Variants in DYSF observed in about 807,000 individuals in gnomAD.
DYSF encodes the protein dysferlin, also known as dystrophy-associated fer-1-like 1.
Under a neutral mutation model 274.9 loss-of-function variants are expected in DYSF, and 212 were observed. The ratio of observed to expected loss-of-function variants is 0.77; its 90% CI spans 0.69 to 0.86. DYSF has a LOEUF of 0.86. Ranked by LOEUF, DYSF falls within the 40% of genes least tolerant of loss-of-function variation. DYSF has a pLI of 0.00. For synonymous variants in DYSF, 1,091 were observed against 1,078.7 expected, an observed-to-expected ratio of 1.01 and a Z score of -0.22; for missense variants, 2,666 against 2,783.2, an observed-to-expected ratio of 0.96 and a Z score of 0.95.
At chr2:71,672,340 G>C (rs1332349611) in intron 51 of DYSF, among the ~76,000 whole-genome samples, 1 of 152,186 alleles carries the variant, frequency 6.6e-6, no homozygotes, top group Non-Finnish European at 1.5e-5. Flanking sequence ...TTCGTGCAGG[G>C]GCACTGCACA....
intron 30 of DYSF, among the ~76,000 whole-genome samples, chr2:71,577,331 CCA>C (rs1213817708): frequency 1.3e-5 from 2 of 151,602 alleles, no homozygotes; most frequent in Non-Finnish European, 2.9e-5. Flanking sequence ...CAGTCTCTCT[CCA>C]CACATTCATA....
At chr2:71,548,446 C>T (rs2090657168) in intron 17 of DYSF, among the ~76,000 whole-genome samples, 1 of 152,276 alleles carries the variant, frequency 6.6e-6, no homozygotes, top group East Asian at 1.9e-4. Flanking sequence ...GTGCACGTGA[C>T]CTCAGACTGC....
At chr2:71,646,681 T>C (rs1362539383) in intron 42 of DYSF, among the ~76,000 whole-genome samples, 1 of 151,846 alleles carries the variant, frequency 6.6e-6, no homozygotes, top group Non-Finnish European at 1.5e-5. Context: ...CAAGAAAGCA[T>C]TAAAAACAGA....
At chr2:71,509,334 T>G (rs995435593) in intron 4 of DYSF, among the ~76,000 whole-genome samples, 2 of 151,958 alleles carry the variant, frequency 1.3e-5, no homozygotes, top group Non-Finnish European at 2.9e-5. Context: ...GGCTAATTTT[T>G]TGTTTTTTGT....
intron 1 of DYSF, among the ~76,000 whole-genome samples, chr2:71,479,130 C>T (rs1250478545): frequency 7.8e-6 from 1 of 128,084 alleles, no homozygotes; most frequent in Non-Finnish European, 1.7e-5. Context: ...GAGTCTTGCA[C>T]AGGTTGGGTG....
At chr2:71,577,651 C>T (rs1225732578) in intron 30 of DYSF, among the ~76,000 whole-genome samples, 1 of 150,676 alleles carries the variant, frequency 6.6e-6, no homozygotes, top group African/African-American at 2.4e-5. Flanking sequence ...CACACATACA[C>T]AATCATATGC....
At position 71,604,620 on chromosome 2, in the gene DYSF, G is replaced by A. The variant is rs561961873; in HGVS notation, c.3957+1815G>A. On this transcript the variant is annotated intron_variant, in intron 36 of 55. Coordinates refer to ENST00000410020, the MANE Select transcript of DYSF (RefSeq NM_001130987.2). ...GCTAGGAGGCTCTTGAGCCAGTTGA[G>A]ATAGGGGCCTGGACTGGAGACAGGC... 3.3e-5 allele frequency among the ~76,000 whole-genome samples: 5 copies of A among 152,326 alleles called. 1 individual carries two copies. The East Asian group carries it at 9.7e-4, about 29-fold the overall frequency.
intron 53 of DYSF, among the ~76,000 whole-genome samples, chr2:71,680,221 C>T (rs1262971497): frequency 6.6e-6 from 1 of 152,140 alleles, no homozygotes; most frequent in Non-Finnish European, 1.5e-5. Flanking sequence ...CCCTAGAAAT[C>T]AAACCCAAAG....
intron 42 of DYSF, among the ~76,000 whole-genome samples, chr2:71,650,884 AG>A (rs1349514666): frequency 6.6e-6 from 1 of 152,212 alleles, no homozygotes; most frequent in Non-Finnish European, 1.5e-5. Flanking sequence ...CAGCGTTCAG[AG>A]GGAATTTGTG....
At position 71,612,514 on chromosome 2, in the gene DYSF, G is replaced by A. The variant is rs767047458; in HGVS notation, c.4222-127G>A. The A allele has an allele frequency of 4.1e-6, 6 of 1,446,954 alleles. No homozygotes were observed. The African/African-American group carries it at 5.6e-5, about 13-fold the overall frequency. The allele number at this position is 1,446,954 out of a possible 1,614,324, so 89.6% of individuals were successfully genotyped here. A position where few individuals can be genotyped will look rare whatever the true frequency, so the allele number is the denominator to read the frequency against. On this transcript the variant is annotated intron_variant, in intron 38 of 55. Coordinates refer to ENST00000410020, the MANE Select transcript of DYSF (RefSeq NM_001130987.2). ...CGCTCGACTGCCCAGCTCTGGGCCA[G>A]CCACCATTTTGGATTTCTGGCTGTG...
Position 71,686,675 on chromosome 2 carries a change from AC to A in DYSF, c.*187del. Reference sequence around the variant, plus strand: ...GTTGCTAACATGGAGCTCTGAGATCACCCCACTTCCATCATTTCCTTCTCCC... The same window carrying A: ...GTTGCTAACATGGAGCTCTGAGATCACCCACTTCCATCATTTCCTTCTCCC... On this transcript the variant is annotated 3_prime_UTR_variant, in exon 56 of 56. Transcript: ENST00000410020. The A allele has an allele frequency of 1.5e-6, 1 of 689,104 alleles. No homozygotes were observed. The highest frequency in any genetic ancestry group is 2.7e-5 in the East Asian group (1 of 37,166). 42.7% of individuals were successfully genotyped at this position (689,104 alleles called of 1,614,324 possible). A position where few individuals can be genotyped will look rare whatever the true frequency, so the allele number is the denominator to read the frequency against.
At chr2:71,659,850 C>T (rs1015534863) in intron 44 of DYSF, among the ~76,000 whole-genome samples, 1 of 152,178 alleles carries the variant, frequency 6.6e-6, no homozygotes, top group African/African-American at 2.4e-5. Context: ...GCCTGATTTG[C>T]CTTTACAGGC....
At chr2:71,651,430 A>C (rs2094657586) in intron 42 of DYSF, among the ~76,000 whole-genome samples, 1 of 152,136 alleles carries the variant, frequency 6.6e-6, no homozygotes, top group Non-Finnish European at 1.5e-5. Flanking sequence ...AGATTTGAAA[A>C]TGTCCTTAAA....
At chr2:71,607,558 G>T (rs1337293231) in intron 36 of DYSF, among the ~76,000 whole-genome samples, 4 of 152,228 alleles carry the variant, frequency 2.6e-5, no homozygotes, top group African/African-American at 9.6e-5. Flanking sequence ...CGCGTGGGCT[G>T]TTGGGAGAGG....
At chr2:71,570,377 C>A in intron 28 of DYSF, 43 bp downstream of exon 28, 1 of 1,590,020 alleles carries the variant, frequency 6.3e-7, no homozygotes, top group Non-Finnish European at 8.6e-7. Flanking sequence ...CCCCGGCAAG[C>A]TCTCAAGCCA....
chr2:71,618,066 T>G (rs1248097152), intron 40 of DYSF, among the ~76,000 whole-genome samples: 43 of 11,202 alleles, frequency 3.8e-3, no homozygotes, highest in Non-Finnish European at 4.4e-3. Flanking sequence ...GTGGTAGAGA[T>G]GGGGTGTGTG....
chr2:71,649,683 T>G (rs78213093), intron 42 of DYSF, among the ~76,000 whole-genome samples: 2 of 150,470 alleles, frequency 1.3e-5, no homozygotes, highest in Non-Finnish European at 3.0e-5. Flanking sequence ...GTGCAAAGAT[T>G]AAAAAAAAAG....
At chr2:71,668,980 C>T in intron 49 of DYSF, 132 bp from the exon 50 acceptor site, 2 of 1,306,780 alleles carry the variant, frequency 1.5e-6, no homozygotes, top group Non-Finnish European at 1.1e-6. Context: ...CTCGTTTGGG[C>T]CTGGGCCAGT....
intron 12 of DYSF, 37 bp from the exon 13 acceptor site, chr2:71,526,183 G>A: frequency 3.7e-6 from 6 of 1,614,180 alleles, no homozygotes; most frequent in Non-Finnish European, 5.1e-6. Flanking sequence ...CTGTGCTCAG[G>A]AGCGCATGAA....
Sources: gnomAD v4.1 joint callset for allele counts (sites outside exome capture counted in the v4.1 genomes callset) on GRCh38, gnomAD v4.1.1 for gene constraint, MANE v1.5 for transcripts, NCBI Gene and HGNC (gene_info 2026-07-23, HGNC 2026-07-21) for gene names.